JAK1: variants seen among roughly 807,000 people sequenced by gnomAD.
JAK1 encodes the protein tyrosine-protein kinase JAK1.
Under a neutral mutation model 136.6 loss-of-function variants are expected in JAK1, and 16 were observed. The ratio of observed to expected loss-of-function variants is 0.12; its 90% CI spans 0.08 to 0.18. The LOEUF (loss-of-function observed/expected upper bound fraction) is 0.18, where lower values mean the gene tolerates loss of function less well. Ranked by LOEUF, JAK1 falls within the 10% of genes least tolerant of loss-of-function variation. JAK1 has a pLI of 1.00. For missense variants in JAK1, 859 were observed against 1,450.1 expected (o/e 0.59, Z 6.62); for synonymous variants, 492 against 519.5 (o/e 0.95, Z 0.72).
At chr1:64,885,603 A>AT (rs1314874131) in intron 2 of JAK1, among the ~76,000 whole-genome samples, 1 of 152,128 alleles carries the variant, frequency 6.6e-6, no homozygotes, top group African/African-American at 2.4e-5. Context: ...AAATAGAAAA[A>AT]TTAGCTGGGC....
chr1:64,926,846 C>T (rs1359123953), intron 1 of JAK1, among the ~76,000 whole-genome samples: 1 of 152,136 alleles, frequency 6.6e-6, no homozygotes, highest in East Asian at 1.9e-4. Context: ...TCAATTTCTT[C>T]ATCTGTAAAA....
intron 1 of JAK1, among the ~76,000 whole-genome samples, chr1:64,910,387 C>CA (rs1479210649): frequency 1.3e-5 from 2 of 151,686 alleles, no homozygotes. Context: ...CTCTCGTTGT[C>CA]AAAAAAGGGA....
chr1:65,048,669 C>T (rs1647212539), intron 1 of JAK1, among the ~76,000 whole-genome samples: 1 of 152,186 alleles, frequency 6.6e-6, no homozygotes, highest in African/African-American at 2.4e-5. Context: ...AGCCAAAAAA[C>T]AGTCCAAAAG....
intron 20 of JAK1, 25 bp downstream of exon 20, chr1:64,839,578 C>G (rs755489935): frequency 6.2e-7 from 1 of 1,603,126 alleles, no homozygotes; most frequent in East Asian, 2.2e-5. Flanking sequence ...ATCTTTAAAC[C>G]GGACCCCAGC....
rs994400416 is a variant in JAK1 at position 64,874,897 on chromosome 1, A to T, written c.330-1374T>A. Among the ~76,000 whole-genome samples the T allele has an allele frequency of 3.9e-4, 60 of 152,288 alleles. 1 individual carries two copies. The highest frequency in any genetic ancestry group is 1.4e-3 in the African/African-American group (58 of 41,562). ...TCAGGCATGTTTCTCGTACTCTGTG[A>T]GTTCCTGTCTCTGGGAGCAACCGGT... On this transcript the variant is annotated intron_variant, in intron 4 of 24. Coordinates refer to ENST00000342505, the MANE Select transcript of JAK1 (RefSeq NM_002227.4).
Position 65,021,073 on chromosome 1 carries a change from C to T in JAK1, c.-78+23407G>A, listed in dbSNP as rs147497607. Among the ~76,000 whole-genome samples the T allele has an allele frequency of 3.3e-3, 505 of 152,272 alleles. 3 individuals are homozygous for T. The highest frequency in any genetic ancestry group is 0.012 in the African/African-American group (491 of 41,542). The stretch of plus-strand genomic sequence containing the variant: ...TCCCTCTCCCAATCTTCTGTCTGTG[C>T]TCCTTGTTGGTGAACCCAACCAGAA... On this transcript the variant is annotated intron_variant, in intron 2 of 25. Coordinates refer to the JAK1 transcript ENST00000671954.
intron 1 of JAK1, among the ~76,000 whole-genome samples, chr1:65,059,478 G>A (rs1362009911): frequency 2.6e-5 from 4 of 152,156 alleles, no homozygotes; most frequent in Non-Finnish European, 5.9e-5. Context: ...TAGTAACATT[G>A]ATATTTTTCA....
chr1:64,839,180 G>T (rs1654726571), intron 20 of JAK1, among the ~76,000 whole-genome samples: 1 of 150,166 alleles, frequency 6.7e-6, no homozygotes, highest in Non-Finnish European at 1.5e-5. Context: ...ATTATCATCA[G>T]CTGTCAATTT....
chr1:64,991,944 A>G (rs186583187), intron 2 of JAK1: 2 of 152,360 alleles, frequency 1.3e-5, no homozygotes, highest in Admixed American at 6.5e-5. Context: ...AAATAAATAA[A>G]TTAGAAGTTA....
intron 2 of JAK1, among the ~76,000 whole-genome samples, chr1:65,043,775 T>C (rs1306455595): frequency 2.0e-5 from 3 of 146,966 alleles, no homozygotes; most frequent in East Asian, 2.0e-4. Flanking sequence ...CAGGCTGGAG[T>C]GCAGTGGCAC....
chr1:64,947,666 C>G (rs777100206), intron 1 of JAK1, among the ~76,000 whole-genome samples: 12 of 150,178 alleles, frequency 8.0e-5, no homozygotes, highest in Non-Finnish European at 1.8e-4. Flanking sequence ...AGGTACCCAA[C>G]AGAAAAGCAG....
At chr1:64,938,852 T>C (rs1304284170) in intron 1 of JAK1, among the ~76,000 whole-genome samples, 2 of 152,228 alleles carry the variant, frequency 1.3e-5, no homozygotes, top group Non-Finnish European at 2.9e-5. Flanking sequence ...AACTGTTTTC[T>C]AGTGCCCCCC....
At chr1:65,062,739 G>A (rs1246835826) in intron 1 of JAK1, among the ~76,000 whole-genome samples, 1 of 152,154 alleles carries the variant, frequency 6.6e-6, no homozygotes, top group Non-Finnish European at 1.5e-5. Context: ...AAGTCAACAG[G>A]ACTCTTTCTA....
chr1:65,051,428 G>A (rs937248317), intron 1 of JAK1, among the ~76,000 whole-genome samples: 4 of 151,928 alleles, frequency 2.6e-5, no homozygotes, highest in Admixed American at 6.6e-5. Context: ...GCATACTAAG[G>A]TATCAGCAAA....
intron 1 of JAK1, among the ~76,000 whole-genome samples, chr1:64,894,691 C>T (rs756952220): frequency 1.3e-5 from 2 of 152,036 alleles, no homozygotes; most frequent in East Asian, 1.9e-4. Flanking sequence ...GCAGGAGAAT[C>T]GCTTGAACCC....
chr1:64,932,811 G>C (rs1645722286), intron 1 of JAK1, among the ~76,000 whole-genome samples: 1 of 151,954 alleles, frequency 6.6e-6, no homozygotes, highest in Admixed American at 6.6e-5. Flanking sequence ...CTCTGCCTGG[G>C]ACTGCCCACA....
intron 2 of JAK1, among the ~76,000 whole-genome samples, chr1:65,041,069 T>G (rs541191217): frequency 6.6e-6 from 1 of 152,264 alleles, no homozygotes; most frequent in African/African-American, 2.4e-5. Context: ...CAGGATTTCC[T>G]GAAATGTCAA....
At chr1:64,973,214 AAAG>A in intron 2 of JAK1, 1 of 151,040 alleles carries the variant, frequency 6.6e-6, no homozygotes. Flanking sequence ...GAAAAGAAAG[AAAG>A]AAAGGAAAAG....
At chr1:65,045,161 C>T (rs1379179665) in intron 1 of JAK1, among the ~76,000 whole-genome samples, 2 of 152,212 alleles carry the variant, frequency 1.3e-5, no homozygotes, top group East Asian at 1.9e-4. Context: ...TTGGGTCATA[C>T]AGCTGGGGAG....
Sources: allele counts gnomAD v4.1 joint callset (sites outside exome capture counted in the v4.1 genomes callset), GRCh38; gene constraint gnomAD v4.1.1; transcripts MANE v1.5; gene names NCBI Gene and HGNC (gene_info 2026-07-23, HGNC 2026-07-21).